VWA3A: variants seen among roughly 807,000 people sequenced by gnomAD.
VWA3A encodes von Willebrand factor A domain containing 3A.
Under a neutral mutation model 160.4 loss-of-function variants are expected in VWA3A, and 134 were observed. The observed-to-expected ratio is 0.84, with a 90% CI of 0.73 to 0.96. VWA3A has a LOEUF of 0.96. VWA3A is among the 40% of genes least tolerant of loss of function. The pLI is 0.00. For synonymous variants in VWA3A, 476 were observed against 543.4 expected (o/e 0.88, Z 1.72); for missense variants, 1,310 against 1,447.9 (o/e 0.90, Z 1.55).
At chr16:22,093,519 C>T (rs769518216) in intron 1 of VWA3A, among the ~76,000 whole-genome samples, 8 of 152,124 alleles carry the variant, frequency 5.3e-5, no homozygotes, top group African/African-American at 1.2e-4. Context: ...CTCTCTGGCA[C>T]GCAGTGAGTG....
At chr16:22,111,021 A>G (rs1479157343) in intron 8 of VWA3A, 27 bp downstream of exon 8, 8 of 1,561,374 alleles carry the variant, frequency 5.1e-6, no homozygotes, top group African/African-American at 1.4e-5. Flanking sequence ...CCTGACGGTG[A>G]TGTTCACTTG....
intron 24 of VWA3A, 27 bp from the exon 25 acceptor site, chr16:22,142,641 G>A: frequency 6.5e-7 from 1 of 1,531,230 alleles, no homozygotes; most frequent in Non-Finnish European, 8.9e-7. Flanking sequence ...CCAAACTATA[G>A]CAATGACCTC....
intron 27 of VWA3A, among the ~76,000 whole-genome samples, chr16:22,147,291 TG>T (rs1366647409): frequency 1.3e-5 from 2 of 152,126 alleles, no homozygotes; most frequent in African/African-American, 4.8e-5. Context: ...CCCAAAGTCC[TG>T]GGGTTATAGG....
At chr16:22,103,592 C>G (rs181063194) in intron 6 of VWA3A, 63 bp downstream of exon 6, 2 of 1,527,254 alleles carry the variant, frequency 1.3e-6, no homozygotes, top group African/African-American at 1.4e-5. Flanking sequence ...TTGTTAGAAC[C>G]CTTTCAGTTG....
chr16:22,138,356 G>A lies in VWA3A; in HGVS notation c.2140-4G>A. The A allele has an allele frequency of 6.3e-7, 1 of 1,581,832 alleles. No individual in the cohort carries two copies. Among genetic ancestry groups the A allele is most frequent in the Non-Finnish European group, 8.6e-7 (1 of 1,164,590 alleles). ...TGCCACTGACCCTCCCAATCCCACT[G>A]CAGTGTGCCTTCCTCATGGCCTCCC... is the stretch of plus-strand genomic sequence containing the variant. On this transcript the variant is annotated splice_polypyrimidine_tract_variant and splice_region_variant and intron_variant, in intron 21 of 33. Coordinates refer to ENST00000389398, the MANE Select transcript of VWA3A (RefSeq NM_173615.5).
intron 16 of VWA3A, among the ~76,000 whole-genome samples, chr16:22,125,916 C>T (rs531614854): frequency 6.6e-5 from 10 of 152,094 alleles, no homozygotes; most frequent in East Asian, 5.8e-4. Flanking sequence ...TTATATGAAG[C>T]GCCTACCACT....
At chr16:22,141,445 G>C (rs1598098080) in intron 23 of VWA3A, 137 bp from the exon 24 acceptor site, 1 of 734,126 alleles carries the variant, frequency 1.4e-6, no homozygotes, top group East Asian at 2.7e-5. Context: ...GAGGACACAG[G>C]GTGCCTTGAA....
At chr16:22,116,088 GAA>G (rs2045637151) in intron 9 of VWA3A, among the ~76,000 whole-genome samples, 1 of 148,400 alleles carries the variant, frequency 6.7e-6, no homozygotes, top group Admixed American at 6.8e-5. Context: ...CAGGCAGAAA[GAA>G]AGAGAGAAAG....
intron 17 of VWA3A, among the ~76,000 whole-genome samples, chr16:22,129,132 G>T (rs2045902178): frequency 6.6e-6 from 1 of 151,544 alleles, no homozygotes; most frequent in African/African-American, 2.4e-5. Context: ...GCTCACGCTT[G>T]TAATCCCAGC....
chr16:22,128,198 G>A (rs2045885506), intron 17 of VWA3A, among the ~76,000 whole-genome samples: 1 of 152,136 alleles, frequency 6.6e-6, no homozygotes, highest in South Asian at 2.1e-4. Context: ...TGTGCTATAG[G>A]ATATAAAGGC....
In VWA3A at chr16:22,149,814, C is replaced by G; in HGVS notation, c.3012C>G (p.Ser1004Arg). ...DSFNLLSFAE[S>R]FQSWQDTLVE... ...TTAACCTGCTCAGCTTTGCAGAGAG[C>G]TTTCAGTCATGGCAGGACACGCTGG... The change falls in exon 29 of 34, where the codon AGC becomes AGG. Residue 1004 changes from serine to arginine, a missense_variant. Physicochemically the swap from Ser to Arg is moderately radical, Grantham distance 110. Coordinates refer to ENST00000389398, the MANE Select transcript of VWA3A (RefSeq NM_173615.5). 1 of 1,609,264 alleles carries G rather than the reference C, an allele frequency of 6.2e-7. No homozygotes were observed. The highest frequency in any genetic ancestry group is 8.5e-7 in the Non-Finnish European group (1 of 1,176,850).
chr16:22,128,135 G>T (rs2045883944), intron 17 of VWA3A, among the ~76,000 whole-genome samples: 2 of 152,176 alleles, frequency 1.3e-5, no homozygotes, highest in African/African-American at 4.8e-5. Flanking sequence ...GATTGTGCAT[G>T]ACAGAAATAC....
rs551278607 is a variant in VWA3A, at chr16:22,122,516, G to A, written c.1357-569G>A. ...GGAATAATAGGTGAATAGAAAGATG[G>A]CAGAAAGATGGAAGACTGAAAGGAA... On this transcript the variant is annotated intron_variant, in intron 14 of 33. Coordinates refer to ENST00000389398, the MANE Select transcript of VWA3A (RefSeq NM_173615.5). 3.9e-5 allele frequency among the ~76,000 whole-genome samples: 6 copies of A among 152,232 alleles called. No homozygotes were observed. In the South Asian group the frequency reaches 1.2e-3, roughly 32 times the overall value.
chr16:22,143,508 C>T (rs1351108395), intron 25 of VWA3A, among the ~76,000 whole-genome samples: 1 of 152,156 alleles, frequency 6.6e-6, no homozygotes, highest in African/African-American at 2.4e-5. Context: ...TTGTGTCCCT[C>T]ATTGTGACAA....
intron 24 of VWA3A, 53 bp from the exon 25 acceptor site, chr16:22,142,615 G>T: frequency 7.1e-7 from 1 of 1,400,240 alleles, no homozygotes; most frequent in Non-Finnish European, 9.9e-7. Context: ...CATGAGGTTT[G>T]CAGGGGCTCA....
At position 22,120,939 on chromosome 16, in the gene VWA3A, T is replaced by C. The variant is rs1191878286; in HGVS notation, c.1117-29T>C. On this transcript the variant is annotated intron_variant, in intron 12 of 33. Transcript: ENST00000389398. ...ACTTTTCAGCTCTAAAATATGATTA[T>C]GTAATGAGGGCTTTCTCATTTAACT... is the stretch of plus-strand genomic sequence containing the variant. 4 of 1,613,120 alleles carry C rather than the reference T, an allele frequency of 2.5e-6. No homozygotes were observed. In the East Asian group the frequency reaches 8.9e-5, roughly 36 times the overall value.
rs996450713 is a variant in VWA3A at position 22,107,189 on chromosome 16, C to G, written c.484-2293C>G. On this transcript the variant is annotated intron_variant, in intron 6 of 33. Transcript: ENST00000389398. ...GATCACTTAGAGAGTGATCAAAGAA[C>G]AGTGGTTCTCCACCAGGGGTGATTT... is the stretch of plus-strand genomic sequence containing the variant. Among the ~76,000 whole-genome samples the G allele has an allele frequency of 3.3e-5, 5 of 152,184 alleles. No homozygotes were observed. In the South Asian group the frequency reaches 1.0e-3, roughly 31 times the overall value.
Position 22,092,583 on chromosome 16 carries a change from G to C in VWA3A, c.-55G>C, listed in dbSNP as rs537661102. ...TTGGAGAAACCAGAAGTGAGATCCAGGAGAAGTAAGGCCCTGGAGTGCCAG... is the reference window on the plus strand; with the variant it reads ...TTGGAGAAACCAGAAGTGAGATCCACGAGAAGTAAGGCCCTGGAGTGCCAG... On this transcript the variant is annotated 5_prime_UTR_variant, in exon 1 of 34. Coordinates refer to ENST00000389398, the MANE Select transcript of VWA3A (RefSeq NM_173615.5). The C allele has an allele frequency of 2.3e-5, 36 of 1,547,264 alleles. No individual in the cohort carries two copies. The South Asian group carries it at 3.6e-4, about 15-fold the overall frequency.
At chr16:22,142,595 G>T (rs2046171177) in intron 24 of VWA3A, 73 bp from the exon 25 acceptor site, 2 of 1,182,726 alleles carry the variant, frequency 1.7e-6, no homozygotes, top group Non-Finnish European at 2.4e-6. Context: ...CAACACTGGG[G>T]ATCACATTTC....
Sources: gnomAD v4.1 joint callset for allele counts (sites outside exome capture counted in the v4.1 genomes callset) on GRCh38, gnomAD v4.1.1 for gene constraint, MANE v1.5 for transcripts, NCBI Gene and HGNC (gene_info 2026-07-23, HGNC 2026-07-21) for gene names.